MAST4: variants seen among roughly 807,000 people sequenced by gnomAD.
MAST4 encodes the protein microtubule-associated serine/threonine-protein kinase 4.
In MAST4, 89 loss-of-function variants were observed where a neutral mutation model predicts 162.7. That is an observed-to-expected ratio of 0.55 (90% CI 0.46 to 0.65). MAST4 has a LOEUF of 0.65. MAST4 is among the 30% of genes least tolerant of loss of function. The pLI, the probability that MAST4 is intolerant of heterozygous loss-of-function variation, is 0.00. For missense variants in MAST4, 3,153 were observed against 3,374.0 expected, an observed-to-expected ratio of 0.93 and a Z score of 1.62; for synonymous variants, 1,479 against 1,361.1, an observed-to-expected ratio of 1.09 and a Z score of -1.91.
intron 1 of MAST4, among the ~76,000 whole-genome samples, chr5:66,686,765 A>C (rs1748686455): frequency 6.6e-6 from 1 of 152,074 alleles, no homozygotes; most frequent in African/African-American, 2.4e-5. Flanking sequence ...GCCCCACCCC[A>C]CTATCTTGTA....
intron 1 of MAST4, among the ~76,000 whole-genome samples, chr5:66,633,366 G>A (rs974892065): frequency 6.6e-6 from 1 of 152,140 alleles, no homozygotes; most frequent in African/African-American, 2.4e-5. Context: ...ACTGGCACCC[G>A]AAAGATAAAC....
chr5:67,010,305 C>T (rs1379470552), intron 4 of MAST4, among the ~76,000 whole-genome samples: 1 of 152,024 alleles, frequency 6.6e-6, no homozygotes, highest in South Asian at 2.1e-4. Flanking sequence ...AAGCAAGAGC[C>T]GAGATGAGAA....
At chr5:67,091,363 A>C (rs1317528085) in intron 6 of MAST4, among the ~76,000 whole-genome samples, 2 of 152,190 alleles carry the variant, frequency 1.3e-5, no homozygotes, top group African/African-American at 2.4e-5. Context: ...TATGTATCTC[A>C]CCATGGGGAC....
At chr5:67,138,434 G>GGTTT (rs573654845) in intron 19 of MAST4, among the ~76,000 whole-genome samples, 41 of 152,024 alleles carry the variant, frequency 2.7e-4, no homozygotes, top group Non-Finnish European at 5.2e-4. Flanking sequence ...TGGGTGGGGT[G>GGTTT]GTTTGTTTGT....
At chr5:67,160,311 C>A in intron 26 of MAST4, 145 bp from the exon 27 acceptor site, 1 of 849,692 alleles carries the variant, frequency 1.2e-6, no homozygotes, top group Non-Finnish European at 1.7e-6. Flanking sequence ...GGCAGGACTT[C>A]TTTGATTGAA....
At position 66,755,914 on chromosome 5, in the gene MAST4, C is replaced by T. The variant is rs192466078; in HGVS notation, c.364-3795C>T. 4.6e-5 allele frequency among the ~76,000 whole-genome samples: 7 copies of T among 152,246 alleles called. No individual in the cohort carries two copies. The East Asian group carries it at 7.7e-4, about 17-fold the overall frequency. ...CGTGGAGGATCTGTTTTTTTCTCAG[C>T]CTGATAATTTGTAAAACAGCATATA... On this transcript the variant is annotated intron_variant, in intron 1 of 28. Coordinates refer to ENST00000403625, the MANE Select transcript of MAST4 (RefSeq NM_001164664.2).
intron 6 of MAST4, among the ~76,000 whole-genome samples, chr5:67,094,402 A>T (rs865792792): frequency 1.3e-4 from 20 of 152,192 alleles, no homozygotes; most frequent in Non-Finnish European, 2.2e-4. Flanking sequence ...ACTTCAATTT[A>T]TTGTGAATGT....
intron 21 of MAST4, chr5:67,143,119 G>A (rs1205183912): frequency 1.3e-5 from 2 of 152,344 alleles, no homozygotes; most frequent in East Asian, 3.9e-4. Context: ...GTTGACTGTA[G>A]GATTGTAAAG....
chr5:66,893,976 G>T (rs1182312109), intron 3 of MAST4, among the ~76,000 whole-genome samples: 1 of 152,136 alleles, frequency 6.6e-6, no homozygotes, highest in Non-Finnish European at 1.5e-5. Context: ...TTCTTTAGGA[G>T]ATCCTATCCC....
chr5:67,136,432 C>T (rs1022008095), intron 18 of MAST4, 131 bp from the exon 19 acceptor site: 10 of 615,706 alleles, frequency 1.6e-5, no homozygotes, highest in South Asian at 3.8e-5. Context: ...GAAAGGCAGA[C>T]TCTGATTTAG....
chr5:67,009,988 A>G (rs910698610), intron 4 of MAST4, among the ~76,000 whole-genome samples: 1 of 151,998 alleles, frequency 6.6e-6, no homozygotes, highest in South Asian at 2.1e-4. Flanking sequence ...GGGGTTTTTG[A>G]CTCCAGGAAC....
intron 3 of MAST4, among the ~76,000 whole-genome samples, chr5:66,802,259 C>T (rs985697975): frequency 1.3e-5 from 2 of 152,018 alleles, no homozygotes; most frequent in Non-Finnish European, 2.9e-5. Context: ...TTATTTAAAG[C>T]ATGATTCTCT....
chr5:67,007,805 A>G (rs996696185), intron 4 of MAST4, among the ~76,000 whole-genome samples: 3 of 152,194 alleles, frequency 2.0e-5, no homozygotes, highest in Admixed American at 2.0e-4. Context: ...TTGTACTCTC[A>G]GAGAAAAATA....
At chr5:66,886,344 C>A (rs1278343574) in intron 3 of MAST4, among the ~76,000 whole-genome samples, 1 of 152,072 alleles carries the variant, frequency 6.6e-6, no homozygotes, top group Non-Finnish European at 1.5e-5. Context: ...ATTCAGTTTT[C>A]TTTTTCAAAC....
chr5:67,088,684 CCAGGGGCCCAAGGAATAA>C lies in MAST4; in HGVS notation c.764-1474_764-1457del, dbSNP rs1287431689. On this transcript the variant is annotated intron_variant, in intron 5 of 28. Transcript: ENST00000403625. The stretch of plus-strand genomic sequence containing the variant: ...GATGGCAAAAGCAGAATTCATTTCT[CCAGGGGCCCAAGGAATAA>C]CAGATGCAAAGCCATGATAAATTTC... Among the ~76,000 whole-genome samples, 18 of 152,206 alleles carry C rather than the reference CCAGGGGCCCAAGGAATAA, an allele frequency of 1.2e-4. 1 individual carries two copies. Among genetic ancestry groups the C allele is most frequent in the South Asian group, 4.2e-4 (2 of 4,808 alleles).
Position 66,743,556 on chromosome 5 carries a change from C to T in MAST4, c.364-16153C>T, listed in dbSNP as rs895936470. Among the ~76,000 whole-genome samples, 11 of 152,202 alleles carry T rather than the reference C, an allele frequency of 7.2e-5. No individual in the cohort carries two copies. In the East Asian group the frequency reaches 7.7e-4, roughly 11 times the overall value. ...GCCTGGCACTGGGTCAGAGTCCAGT[C>T]CTCCACAGGCTGCGTTTCAGTGGCA... On this transcript the variant is annotated intron_variant, in intron 1 of 28. Transcript: ENST00000403625.
chr5:67,037,067 C>A (rs1337714181), intron 4 of MAST4, among the ~76,000 whole-genome samples: 2 of 151,996 alleles, frequency 1.3e-5, no homozygotes, highest in Non-Finnish European at 2.9e-5. Context: ...TAAAAGAGGT[C>A]GTTAATTCCA....
chr5:66,877,623 G>C (rs746361191), intron 3 of MAST4, among the ~76,000 whole-genome samples: 5 of 152,170 alleles, frequency 3.3e-5, no homozygotes, highest in African/African-American at 1.2e-4. Flanking sequence ...CCTGGCATTC[G>C]CAACTGCTTC....
chr5:66,936,543 A>G (rs1246427976), intron 4 of MAST4, among the ~76,000 whole-genome samples: 1 of 152,150 alleles, frequency 6.6e-6, no homozygotes, highest in African/African-American at 2.4e-5. Context: ...TTGTTCTCTG[A>G]CGGGCAGGAG....
Sources: allele counts gnomAD v4.1 joint callset (sites outside exome capture counted in the v4.1 genomes callset), GRCh38; gene constraint gnomAD v4.1.1; transcripts MANE v1.5; gene names NCBI Gene and HGNC (gene_info 2026-07-23, HGNC 2026-07-21).